DCDC2C: variants seen among roughly 807,000 people sequenced by gnomAD.
DCDC2C encodes the protein doublecortin domain-containing protein 2C.
DCDC2C carries 44 observed loss-of-function variants against 45.0 expected under a neutral mutation model. The observed-to-expected ratio is 0.98, with a 90% CI of 0.77 to 1.26. The LOEUF (loss-of-function observed/expected upper bound fraction) is 1.26. DCDC2C is among the 50% of genes most tolerant of loss of function. The pLI is 0.00. For missense variants in DCDC2C, 447 were observed against 468.9 expected (o/e 0.95, Z 0.43); for synonymous variants, 187 against 178.8 (o/e 1.05, Z -0.37).
intron 10 of DCDC2C, among the ~76,000 whole-genome samples, chr2:3,819,552 G>A (rs529491536): frequency 1.3e-5 from 2 of 152,280 alleles, no homozygotes; most frequent in East Asian, 1.9e-4. Context: ...TTTGAGGGCC[G>A]GAATCTAATT....
intron 10 of DCDC2C, among the ~76,000 whole-genome samples, chr2:3,842,068 C>A (rs1450324086): frequency 6.6e-6 from 1 of 152,080 alleles, no homozygotes; most frequent in African/African-American, 2.4e-5. Context: ...TGGACGGAGG[C>A]AGCAGGACTC....
At chr2:3,731,079 G>A (rs112934954) in intron 3 of DCDC2C, among the ~76,000 whole-genome samples, 141 of 152,304 alleles carry the variant, frequency 9.3e-4, no homozygotes, top group Middle Eastern at 6.8e-3. Flanking sequence ...TAATGATGCA[G>A]CAGCTTGTCC....
intron 6 of DCDC2C, among the ~76,000 whole-genome samples, chr2:3,760,554 C>A (rs571227948): frequency 6.6e-6 from 1 of 152,298 alleles, no homozygotes; most frequent in South Asian, 2.1e-4. Context: ...TGGAAACCAC[C>A]ATTCTCAGCA....
At position 3,703,796 on chromosome 2, in the gene DCDC2C, C is replaced by T. The variant is rs996090085; in HGVS notation, c.45C>T (p.Ala15=). The change falls in exon 1 of 11, where the codon GCC becomes GCT. Residue 15 remains alanine (A), a synonymous_variant. Transcript: ENST00000399143. This position sits in a 1 kb window ranked among gnomAD's most constrained non-coding sequence, Gnocchi z 4.4. ...CCGCGCCGGTGGACACCACGCCCGC[C>T]AAGACCATCGTGGTGTACCGCAACG... ...GPSAPVDTTP[A]KTIVVYRNGD... The T allele has an allele frequency of 3.2e-6, 4 of 1,244,884 alleles. No homozygotes were observed. The highest frequency in any genetic ancestry group is 8.4e-5 in the Admixed American group (2 of 23,676). The allele number at this position is 1,244,884 out of a possible 1,614,324, so 77.1% of individuals were successfully genotyped here. A position where few individuals can be genotyped will look rare whatever the true frequency, so the allele number is the denominator to read the frequency against.
intron 9 of DCDC2C, among the ~76,000 whole-genome samples, chr2:3,782,776 G>A (rs1295256012): frequency 6.6e-6 from 1 of 152,180 alleles, no homozygotes; most frequent in East Asian, 1.9e-4. Context: ...ACCGCACCTG[G>A]CCTTCTCCAG....
intron 3 of DCDC2C, among the ~76,000 whole-genome samples, chr2:3,732,101 G>A (rs1668887455): frequency 6.6e-6 from 1 of 152,156 alleles, no homozygotes; most frequent in Non-Finnish European, 1.5e-5. Flanking sequence ...AGATCGAGAT[G>A]GAGGGAAACA....
chr2:3,781,680 T>A (rs1309006212), intron 9 of DCDC2C, among the ~76,000 whole-genome samples: 1 of 152,054 alleles, frequency 6.6e-6, no homozygotes, highest in African/African-American at 2.4e-5. Flanking sequence ...AGAAACATAG[T>A]GAGACCCTGT....
chr2:3,784,617 A>C (rs1047613317), intron 9 of DCDC2C, among the ~76,000 whole-genome samples: 5 of 152,058 alleles, frequency 3.3e-5, no homozygotes, highest in Non-Finnish European at 7.4e-5. Context: ...AATAGAAACA[A>C]ATGCAGTGTT....
chr2:3,729,098 G>A (rs966762635), intron 3 of DCDC2C, among the ~76,000 whole-genome samples: 1 of 152,242 alleles, frequency 6.6e-6, no homozygotes, highest in African/African-American at 2.4e-5. Context: ...AAAACACCCT[G>A]AGTCAGTGAA....
chr2:3,729,586 A>C (rs115662427), intron 3 of DCDC2C, among the ~76,000 whole-genome samples: 3,924 of 152,312 alleles, frequency 0.026, 164 homozygotes, highest in African/African-American at 0.081. Flanking sequence ...GCTGGTCTGC[A>C]AGCTGGCAGT....
rs1669752429 is a variant in DCDC2C, at chr2:3,757,489, C to G, written c.726+2855C>G. On this transcript the variant is annotated intron_variant, in intron 6 of 10. Coordinates refer to ENST00000399143, the MANE Select transcript of DCDC2C (RefSeq NM_001287444.2). ...AAAAAAAAGTACCTAGAATACAAAACAGAAAGTCTTTCTTGACCCTTCAAT... is the reference window on the plus strand; with the variant it reads ...AAAAAAAAGTACCTAGAATACAAAAGAGAAAGTCTTTCTTGACCCTTCAAT... 2.0e-5 allele frequency among the ~76,000 whole-genome samples: 3 copies of G among 152,256 alleles called. No homozygotes were observed. The South Asian group carries it at 6.2e-4, about 32-fold the overall frequency.
chr2:3,747,100 G>A (rs763554914), intron 4 of DCDC2C, among the ~76,000 whole-genome samples: 6 of 152,124 alleles, frequency 3.9e-5, no homozygotes, highest in African/African-American at 1.4e-4. Flanking sequence ...AGAGTTTTAC[G>A]ATGTTCTAAG....
At chr2:3,780,279 T>A (rs956318487) in intron 9 of DCDC2C, among the ~76,000 whole-genome samples, 3 of 152,144 alleles carry the variant, frequency 2.0e-5, no homozygotes, top group Non-Finnish European at 2.9e-5. Context: ...CTTATGTGAA[T>A]GGCATATTTC....
chr2:3,769,128 T>C, intron 7 of DCDC2C, 183 bp from the exon 8 acceptor site: 1 of 572,266 alleles, frequency 1.7e-6, no homozygotes. Flanking sequence ...CCTTGGCAGA[T>C]GCAAACAGGA....
chr2:3,731,568 C>T (rs357949), intron 3 of DCDC2C, among the ~76,000 whole-genome samples: 2 of 152,072 alleles, frequency 1.3e-5, no homozygotes, highest in Admixed American at 1.3e-4. Context: ...TCACTGATTG[C>T]GCCTTTTAGT....
intron 1 of DCDC2C, among the ~76,000 whole-genome samples, chr2:3,707,869 G>C (rs1287252515): frequency 6.6e-6 from 1 of 152,070 alleles, no homozygotes; most frequent in African/African-American, 2.4e-5. Flanking sequence ...GAATATTGCT[G>C]AAACTATCAA....
rs140791438 is a variant in DCDC2C at position 3,843,388 on chromosome 2, G to A, written c.1066-3766G>A. On this transcript the variant is annotated intron_variant, in intron 10 of 10. Transcript: ENST00000399143. ...TTTGGGGAAGGCAGTGTGTGAATGT[G>A]CCGAGTTCTCCACGTCAGCTGAGCG... Among the ~76,000 whole-genome samples, 37 of 151,486 alleles carry A rather than the reference G, an allele frequency of 2.4e-4. No homozygotes were observed. The East Asian group carries it at 6.8e-3, about 28-fold the overall frequency.
chr2:3,742,335 G>A (rs1669241295), intron 4 of DCDC2C, among the ~76,000 whole-genome samples: 2 of 152,138 alleles, frequency 1.3e-5, no homozygotes, highest in African/African-American at 4.8e-5. Context: ...CTATTGAGTG[G>A]GCCGACCGTT....
At chr2:3,739,120 C>A (rs1323393031) in intron 3 of DCDC2C, among the ~76,000 whole-genome samples, 1 of 151,968 alleles carries the variant, frequency 6.6e-6, no homozygotes. Context: ...CTTAAAAATT[C>A]AAAAAAATTT....
Sources: gnomAD v4.1 joint callset for allele counts (sites outside exome capture counted in the v4.1 genomes callset) on GRCh38, gnomAD v4.1.1 for gene constraint, Gnocchi (gnomAD v3.1) non-coding constraint, MANE v1.5 for transcripts, NCBI Gene and HGNC (gene_info 2026-07-23, HGNC 2026-07-21) for gene names.